The following CTNND2 variants were observed in gnomAD, a reference collection of about 807,000 sequenced individuals.
CTNND2 encodes catenin delta 2.
A neutral mutation model predicts 144.4 loss-of-function variants in CTNND2; 22 were observed. The ratio of observed to expected loss-of-function variants is 0.15; its 90% CI spans 0.11 to 0.22. The LOEUF is 0.22. CTNND2 is among the 10% of genes least tolerant of loss of function. The pLI is 1.00. For missense variants in CTNND2, 1,353 were observed against 1,618.8 expected (o/e 0.84, Z 2.82); for synonymous variants, 751 against 695.6 (o/e 1.08, Z -1.25).
intron 3 of CTNND2, among the ~76,000 whole-genome samples, chr5:11,482,893 T>C (rs556405252): frequency 1.3e-5 from 2 of 148,280 alleles, no homozygotes; most frequent in Admixed American, 6.7e-5. Context: ...GGGCAAGGAG[T>C]TGGTGTGAGA....
At chr5:11,859,529 T>C (rs1381772879) in intron 1 of CTNND2, among the ~76,000 whole-genome samples, 1 of 152,124 alleles carries the variant, frequency 6.6e-6, no homozygotes, top group Non-Finnish European at 1.5e-5. Context: ...TACACGGCTC[T>C]GGGGGACCTC....
intron 9 of CTNND2, among the ~76,000 whole-genome samples, chr5:11,326,326 A>G (rs1752513832): frequency 1.3e-5 from 2 of 152,122 alleles, no homozygotes; most frequent in South Asian, 4.1e-4. Context: ...GTCCATAGTA[A>G]TATGTAGTGA....
At chr5:11,004,055 T>G (rs980616938) in intron 18 of CTNND2, among the ~76,000 whole-genome samples, 10 of 152,232 alleles carry the variant, frequency 6.6e-5, no homozygotes, top group African/African-American at 2.4e-4. Flanking sequence ...GGAAAAAATG[T>G]ATATGATTTA....
At chr5:11,169,333 A>G (rs894478308) in intron 11 of CTNND2, among the ~76,000 whole-genome samples, 1 of 152,180 alleles carries the variant, frequency 6.6e-6, no homozygotes, top group Non-Finnish European at 1.5e-5. Context: ...TTGCTGATCA[A>G]TGGGTTTTTA....
chr5:11,869,158 G>C (rs1795909875), intron 1 of CTNND2, among the ~76,000 whole-genome samples: 2 of 152,110 alleles, frequency 1.3e-5, no homozygotes, highest in South Asian at 4.1e-4. Flanking sequence ...CATGTGAAAT[G>C]GTACAGTCTA....
rs193009289 is a variant in CTNND2 at position 11,471,125 on chromosome 5, C to T, written c.288-59056G>A. ...CCTGAGTAGCGGGGACTACAGGCGC[C>T]CACCAACATGCCCAGCTAATTTTTT... is the stretch of plus-strand genomic sequence containing the variant. On this transcript the variant is annotated intron_variant, in intron 3 of 21. Coordinates refer to ENST00000304623, the MANE Select transcript of CTNND2 (RefSeq NM_001332.4). Among the ~76,000 whole-genome samples the T allele has an allele frequency of 5.0e-3, 755 of 151,160 alleles. 6 individuals carry two copies. The highest frequency in any genetic ancestry group is 0.017 in the African/African-American group (715 of 41,248).
intron 7 of CTNND2, 84 bp from the exon 8 acceptor site, chr5:11,364,974 T>G (rs1479060491): frequency 2.6e-6 from 3 of 1,172,894 alleles, no homozygotes. Context: ...TCAAATTTTT[T>G]TGGACAAAAT....
At chr5:11,887,140 C>CCAT (rs1560970208) in intron 1 of CTNND2, among the ~76,000 whole-genome samples, 1 of 151,874 alleles carries the variant, frequency 6.6e-6, no homozygotes, top group East Asian at 1.9e-4. Flanking sequence ...CATACCGCCA[C>CCAT]GCCCAGCTAA....
At chr5:11,080,874 G>A (rs769474749) in intron 16 of CTNND2, among the ~76,000 whole-genome samples, 5 of 152,158 alleles carry the variant, frequency 3.3e-5, no homozygotes, top group Admixed American at 1.3e-4. Flanking sequence ...TCAGGAGTTC[G>A]AGACCATCCT....
chr5:11,634,711 T>C (rs10080199), intron 2 of CTNND2, among the ~76,000 whole-genome samples: 14,521 of 152,054 alleles, frequency 0.095, 885 homozygotes, highest in East Asian at 0.19. Context: ...TTCCAGCACA[T>C]TGTAATATTT....
chr5:11,726,699 A>C (rs1431392909), intron 2 of CTNND2, among the ~76,000 whole-genome samples: 1 of 152,204 alleles, frequency 6.6e-6, no homozygotes, highest in Non-Finnish European at 1.5e-5. Flanking sequence ...AAAACCCCAC[A>C]TACTAAAGGC....
intron 16 of CTNND2, among the ~76,000 whole-genome samples, chr5:11,038,573 G>T (rs1048136542): frequency 6.6e-6 from 1 of 152,128 alleles, no homozygotes; most frequent in Non-Finnish European, 1.5e-5. Context: ...AGTATGGCCA[G>T]GAGCACTGAA....
chr5:11,441,008 C>CAG (rs1374442753), intron 3 of CTNND2, among the ~76,000 whole-genome samples: 1 of 152,062 alleles, frequency 6.6e-6, no homozygotes, highest in Admixed American at 6.6e-5. Context: ...TGCAGAAAGA[C>CAG]AGAGTTTTGG....
intron 13 of CTNND2, 129 bp downstream of exon 13, chr5:11,117,321 G>A: frequency 1.4e-6 from 1 of 717,894 alleles, no homozygotes; most frequent in Non-Finnish European, 2.4e-6. Flanking sequence ...ATTCTTATAA[G>A]GAAACCAGGA....
intron 8 of CTNND2, among the ~76,000 whole-genome samples, chr5:11,351,325 A>C (rs1755325619): frequency 6.6e-6 from 1 of 152,108 alleles, no homozygotes; most frequent in African/African-American, 2.4e-5. Flanking sequence ...CTGCTCTACA[A>C]ACAGCCCCTT....
intron 19 of CTNND2, among the ~76,000 whole-genome samples, chr5:10,990,236 G>T (rs1738517186): frequency 6.6e-6 from 1 of 152,236 alleles, no homozygotes; most frequent in Non-Finnish European, 1.5e-5. Flanking sequence ...GAGGACAAAG[G>T]CTGGGACTTG....
chr5:11,456,451 T>G (rs1339222520), intron 3 of CTNND2, among the ~76,000 whole-genome samples: 1 of 150,648 alleles, frequency 6.6e-6, no homozygotes, highest in Non-Finnish European at 1.5e-5. Context: ...GTTTCACATC[T>G]GTGTCCAGAC....
chr5:11,293,611 T>C (rs946973236), intron 9 of CTNND2, among the ~76,000 whole-genome samples: 7 of 151,734 alleles, frequency 4.6e-5, no homozygotes, highest in African/African-American at 1.7e-4. Context: ...TCTAAAAACA[T>C]TTCGTTCACA....
intron 11 of CTNND2, among the ~76,000 whole-genome samples, chr5:11,171,950 T>TTAA (rs1465068371): frequency 4.6e-5 from 7 of 152,206 alleles, no homozygotes; most frequent in Non-Finnish European, 7.3e-5. Flanking sequence ...ACCTAAAATA[T>TTAA]TAATTGAGTA....
Sources: gnomAD v4.1 joint callset for allele counts (sites outside exome capture counted in the v4.1 genomes callset) on GRCh38, gnomAD v4.1.1 for gene constraint, MANE v1.5 for transcripts, NCBI Gene and HGNC (gene_info 2026-07-23, HGNC 2026-07-21) for gene names.